Variants in IFNAR1 observed in about 807,000 individuals in gnomAD.
IFNAR1 encodes interferon alpha/beta receptor 1.
A neutral mutation model predicts 62.1 loss-of-function variants in IFNAR1; 47 were observed. That is an observed-to-expected ratio of 0.76 (90% CI 0.60 to 0.97). IFNAR1 has a LOEUF of 0.97. Ranked by LOEUF, IFNAR1 falls within the 50% of genes least tolerant of loss-of-function variation. The pLI, the probability that IFNAR1 is intolerant of heterozygous loss-of-function variation, is 0.00. For synonymous variants in IFNAR1, 219 were observed against 226.9 expected, an observed-to-expected ratio of 0.97 and a Z score of 0.31; for missense variants, 638 against 654.5, an observed-to-expected ratio of 0.97 and a Z score of 0.27.
At chr21:33,353,805 T>G in intron 10 of IFNAR1, 22 bp downstream of exon 10, 1 of 1,496,188 alleles carries the variant, frequency 6.7e-7, no homozygotes, top group African/African-American at 1.4e-5. Flanking sequence ...TTTTTATTTT[T>G]TTGTCAACAG....
intron 9 of IFNAR1, among the ~76,000 whole-genome samples, chr21:33,353,426 G>T (rs1398563163): frequency 6.6e-6 from 1 of 152,152 alleles, no homozygotes; most frequent in Non-Finnish European, 1.5e-5. Flanking sequence ...TCTCCCTGAG[G>T]ATCTCTTACT....
chr21:33,342,175 G>A (rs1337017001), intron 3 of IFNAR1, among the ~76,000 whole-genome samples: 1 of 152,050 alleles, frequency 6.6e-6, no homozygotes, highest in Non-Finnish European at 1.5e-5. Flanking sequence ...TTGGGAGGCT[G>A]AGGTGGGAGG....
intron 1 of IFNAR1, chr21:33,335,188 C>G: frequency 1.9e-6 from 1 of 524,210 alleles, no homozygotes; most frequent in Non-Finnish European, 3.5e-6. Flanking sequence ...GGCCATAAAA[C>G]AGTTGAACCT....
chr21:33,343,746 T>C, intron 5 of IFNAR1, 70 bp downstream of exon 5: 1 of 1,058,562 alleles, frequency 9.4e-7, no homozygotes, highest in Admixed American at 2.3e-5. Flanking sequence ...ATCTTCCCCA[T>C]ATTGCTGAAG....
At chr21:33,337,828 A>T (rs1257972422) in intron 2 of IFNAR1, among the ~76,000 whole-genome samples, 1 of 138,250 alleles carries the variant, frequency 7.2e-6, no homozygotes, top group Non-Finnish European at 1.6e-5. Flanking sequence ...CTTTTCTCAG[A>T]ATTGATCATT....
Position 33,324,998 on chromosome 21 carries a change from C to T in IFNAR1, c.-58C>T. ...GTGACTTAGGACGGGGCGATGGCGG[C>T]TGAGAGGAGCTGCGCGTGCGCGAAC... On this transcript the variant is annotated 5_prime_UTR_variant, in exon 1 of 11. Coordinates refer to ENST00000270139, the MANE Select transcript of IFNAR1 (RefSeq NM_000629.3). 7 of 1,484,586 alleles carry T rather than the reference C, an allele frequency of 4.7e-6. No individual in the cohort carries two copies. The highest frequency in any genetic ancestry group is 1.2e-5 in the South Asian group (1 of 82,678). The allele number at this position is 1,484,586 out of a possible 1,614,324, so 92.0% of individuals were successfully genotyped here.
chr21:33,337,222 A>AAAAT (rs948100681), intron 2 of IFNAR1, among the ~76,000 whole-genome samples: 9 of 152,038 alleles, frequency 5.9e-5, no homozygotes, highest in Admixed American at 5.2e-4. Context: ...CTCCATCTCA[A>AAAAT]AAATAAATAA....
intron 8 of IFNAR1, among the ~76,000 whole-genome samples, chr21:33,351,228 C>T (rs2834197): frequency 0.028 from 4,280 of 152,278 alleles, 213 homozygotes; most frequent in African/African-American, 0.097. Flanking sequence ...ATACTTGGGA[C>T]GGTGACTTCT....
intron 1 of IFNAR1, among the ~76,000 whole-genome samples, chr21:33,325,368 G>T (rs1368795208): frequency 6.6e-6 from 1 of 152,228 alleles, no homozygotes; most frequent in African/African-American, 2.4e-5. Flanking sequence ...GGGAGCGCCC[G>T]GGTCCCACCC....
Position 33,349,494 on chromosome 21 carries a change from A to G in IFNAR1, c.1094A>G (p.Tyr365Cys). 6.2e-7 allele frequency: 1 copy of G among 1,612,212 alleles called. No individual in the cohort carries two copies. Among genetic ancestry groups the G allele is most frequent in the African/African-American group, 1.3e-5 (1 of 74,988 alleles). Residue 365 changes from tyrosine (Y) to cysteine (C), a missense_variant, in exon 8 of 11, where the codon TAT (tyrosine) becomes TGT (cysteine). Coordinates refer to ENST00000270139, the MANE Select transcript of IFNAR1 (RefSeq NM_000629.3). ...QSGNTPVIQD[Y>C]PLIYEIIFWE... ...GGAAACACGCCTGTGATCCAGGATT[A>G]TCCACTGATTTATGAAATTATTTTT...
At position 33,358,432 on chromosome 21, in the gene IFNAR1, C is replaced by A. The variant is rs2083469570; in HGVS notation, c.*2883C>A. On this transcript the variant is annotated 3_prime_UTR_variant, in exon 11 of 11. Coordinates refer to ENST00000270139, the MANE Select transcript of IFNAR1 (RefSeq NM_000629.3). ...AAGAATTTATATGAAAGATTTGTAT[C>A]ATTAGAGCCAGAAATAATTTTATAT... 1 of 151,962 alleles carries A rather than the reference C, an allele frequency of 6.6e-6. No homozygotes were observed. Among genetic ancestry groups the A allele is most frequent in the African/African-American group, 2.4e-5 (1 of 41,378 alleles). 9.4% of individuals were successfully genotyped at this position (151,962 alleles called of 1,614,324 possible). A position where few individuals can be genotyped will look rare whatever the true frequency, so the allele number is the denominator to read the frequency against.
At chr21:33,348,006 C>T (rs377154436) in intron 6 of IFNAR1, among the ~76,000 whole-genome samples, 1 of 151,980 alleles carries the variant, frequency 6.6e-6, no homozygotes, top group South Asian at 2.1e-4. Flanking sequence ...GTGCATGCGG[C>T]GACATGGTAT....
intron 1 of IFNAR1, among the ~76,000 whole-genome samples, chr21:33,325,349 C>CGGGT (rs1156616356): frequency 6.6e-6 from 1 of 152,210 alleles, no homozygotes; most frequent in Admixed American, 6.5e-5. Flanking sequence ...TGGCCGTGTA[C>CGGGT]GGGTCCTCGG....
At position 33,355,567 on chromosome 21, in the gene IFNAR1, C is replaced by G. The variant is rs2083440111; in HGVS notation, c.*18C>G. Reference sequence around the variant, plus strand: ...TTGTATGACCAGAAATGAACTGTGTCAAGTATAAGGTTTTTCAGCAGGAGT... The same window carrying G: ...TTGTATGACCAGAAATGAACTGTGTGAAGTATAAGGTTTTTCAGCAGGAGT... On this transcript the variant is annotated 3_prime_UTR_variant, in exon 11 of 11. Transcript: ENST00000270139. The G allele has an allele frequency of 7.1e-7, 1 of 1,409,894 alleles. No homozygotes were observed. Among genetic ancestry groups the G allele is most frequent in the Non-Finnish European group, 9.8e-7 (1 of 1,024,176 alleles). The allele number at this position is 1,409,894 out of a possible 1,614,324, so 87.3% of individuals were successfully genotyped here. A position where few individuals can be genotyped will look rare whatever the true frequency, so the allele number is the denominator to read the frequency against.
chr21:33,338,193 C>T (rs570084917), intron 2 of IFNAR1, among the ~76,000 whole-genome samples: 1 of 152,128 alleles, frequency 6.6e-6, no homozygotes, highest in Admixed American at 6.5e-5. Context: ...CAAACGAAAC[C>T]TGCCATGAGA....
intron 1 of IFNAR1, chr21:33,334,979 C>G (rs780951118): frequency 2.5e-6 from 4 of 1,576,850 alleles, no homozygotes; most frequent in Non-Finnish European, 3.5e-6. Flanking sequence ...ACCCAGGGCT[C>G]AGAGGCACTG....
At chr21:33,324,611 G>A (rs534815855), upstream of IFNAR1, 4 of 160,596 alleles carry the variant, frequency 2.5e-5, no homozygotes, top group African/African-American at 9.6e-5. Flanking sequence ...AGAGACGCGG[G>A]AACTCCAAAG....
At chr21:33,329,418 A>G (rs1001663990) in intron 1 of IFNAR1, among the ~76,000 whole-genome samples, 5 of 152,126 alleles carry the variant, frequency 3.3e-5, no homozygotes, top group African/African-American at 7.2e-5. Context: ...GACTCCAAGT[A>G]TGAAACAGAA....
chr21:33,334,405 T>TA (rs1170163953), intron 1 of IFNAR1, among the ~76,000 whole-genome samples: 1 of 152,198 alleles, frequency 6.6e-6, no homozygotes, highest in African/African-American at 2.4e-5. Context: ...TCTCACCTGA[T>TA]ACTTTGGAGA....
Sources: allele counts gnomAD v4.1 joint callset (sites outside exome capture counted in the v4.1 genomes callset), GRCh38; gene constraint gnomAD v4.1.1; transcripts MANE v1.5; gene names NCBI Gene and HGNC (gene_info 2026-07-23, HGNC 2026-07-21).